Variants in ARSG observed in about 807,000 individuals in gnomAD.
ARSG encodes ASG.
In ARSG, 37 loss-of-function variants were observed where a neutral mutation model predicts 50.5. The ratio of observed to expected loss-of-function variants is 0.73; its 90% confidence interval spans 0.56 to 0.96. The LOEUF (loss-of-function observed/expected upper bound fraction) is 0.96, where lower values mean the gene tolerates loss of function less well. Among genes scored for constraint, ARSG ranks in the 50% least tolerant of loss-of-function variants. ARSG has a pLI of 0.00. For synonymous variants in ARSG, 225 were observed against 254.6 expected (o/e 0.88, Z 1.11); for missense variants, 629 against 675.3 (o/e 0.93, Z 0.76).
intron 8 of ARSG, among the ~76,000 whole-genome samples, chr17:68,379,531 G>T (rs544829604): frequency 6.8e-6 from 1 of 146,234 alleles, no homozygotes; most frequent in Admixed American, 7.2e-5. Flanking sequence ...CCTTGCATCG[G>T]CCTCCCAGAG....
At chr17:68,263,504 C>A (rs1441393212) in intron 1 of ARSG, among the ~76,000 whole-genome samples, 1 of 152,232 alleles carries the variant, frequency 6.6e-6, no homozygotes, top group Non-Finnish European at 1.5e-5. Flanking sequence ...CAGGGTCTCA[C>A]TCTTTGCCAA....
intron 6 of ARSG, among the ~76,000 whole-genome samples, chr17:68,361,989 C>T (rs546066890): frequency 9.9e-4 from 151 of 152,208 alleles, no homozygotes; most frequent in South Asian, 3.3e-3. Flanking sequence ...TGGGAGAAGT[C>T]GATGGTTGTA....
At chr17:68,300,737 T>A (rs1485190013) in intron 1 of ARSG, among the ~76,000 whole-genome samples, 2 of 152,092 alleles carry the variant, frequency 1.3e-5, no homozygotes, top group African/African-American at 2.4e-5. Flanking sequence ...CAACAGGTGG[T>A]TCGAGCCTAA....
At chr17:68,345,256 G>C (rs2078452692) in intron 3 of ARSG, among the ~76,000 whole-genome samples, 1 of 152,134 alleles carries the variant, frequency 6.6e-6, no homozygotes, top group African/African-American at 2.4e-5. Context: ...AGGATCCCTC[G>C]AGCCCAGGAG....
At chr17:68,273,071 T>C (rs1599502690) in intron 1 of ARSG, among the ~76,000 whole-genome samples, 1 of 152,134 alleles carries the variant, frequency 6.6e-6, no homozygotes, top group East Asian at 1.9e-4. Context: ...AAATTTTATA[T>C]AAGATTTGTA....
At chr17:68,321,175 C>A (rs2077267835) in intron 2 of ARSG, among the ~76,000 whole-genome samples, 1 of 151,820 alleles carries the variant, frequency 6.6e-6, no homozygotes, top group Non-Finnish European at 1.5e-5. Context: ...AGCAAGACCC[C>A]ATCTCAAAAA....
the ARSG span, among the ~76,000 whole-genome samples, chr17:68,438,129 C>T: frequency 2.0e-5 from 3 of 152,174 alleles, no homozygotes; most frequent in Non-Finnish European, 2.9e-5. Flanking sequence ...GAACCTAGGT[C>T]TCATTTCCTG....
At chr17:68,382,309 TCCCCATCTGAAAGA>T (rs2080475021) in intron 8 of ARSG, among the ~76,000 whole-genome samples, 1 of 152,162 alleles carries the variant, frequency 6.6e-6, no homozygotes, top group Admixed American at 6.5e-5. Flanking sequence ...AGCTTTGGTT[TCCCCATCTGAAAGA>T]TGGGGACAAT....
At chr17:68,369,963 C>T (rs1263622564) in intron 7 of ARSG, among the ~76,000 whole-genome samples, 1 of 152,130 alleles carries the variant, frequency 6.6e-6, no homozygotes, top group African/African-American at 2.4e-5. Flanking sequence ...AGACACATCT[C>T]ATATCAAGGG....
chr17:68,292,339 TC>T (rs1294172963), intron 1 of ARSG, among the ~76,000 whole-genome samples: 3 of 151,990 alleles, frequency 2.0e-5, no homozygotes, highest in Non-Finnish European at 2.9e-5. Flanking sequence ...GTGCCCCTCA[TC>T]CCGTAGTCCC....
At chr17:68,439,447 A>G in the ARSG span, among the ~76,000 whole-genome samples, 1 of 152,158 alleles carries the variant, frequency 6.6e-6, no homozygotes, top group Non-Finnish European at 1.5e-5. Context: ...TCTAATAGAG[A>G]CAGAAAGTAG....
At chr17:68,314,567 T>A (rs1599681804) in intron 2 of ARSG, among the ~76,000 whole-genome samples, 1 of 148,062 alleles carries the variant, frequency 6.8e-6, no homozygotes. Flanking sequence ...GTAAACCAGG[T>A]GTGGTGTTGC....
chr17:68,434,072 T>C, the ARSG span, among the ~76,000 whole-genome samples: 3 of 151,918 alleles, frequency 2.0e-5, no homozygotes, highest in African/African-American at 7.3e-5. Flanking sequence ...GCCCGGCCCA[T>C]AGTCTTATTT....
At chr17:68,328,856 G>A (rs2077609857) in intron 2 of ARSG, among the ~76,000 whole-genome samples, 1 of 152,080 alleles carries the variant, frequency 6.6e-6, no homozygotes, top group South Asian at 2.1e-4. Context: ...GGAAGAAACA[G>A]GTCTTACGAG....
At chr17:68,356,627 G>A (rs202086059) in intron 5 of ARSG, 40 bp from the exon 6 acceptor site, 463 of 1,611,430 alleles carry the variant, frequency 2.9e-4, no homozygotes, top group Non-Finnish European at 3.7e-4. Context: ...CCGTGAGTAC[G>A]TAGGAAATGA....
At chr17:68,341,662 T>G (rs1165025317) in intron 2 of ARSG, among the ~76,000 whole-genome samples, 2 of 152,218 alleles carry the variant, frequency 1.3e-5, no homozygotes, top group African/African-American at 4.8e-5. Context: ...CATGCCATTG[T>G]GCATTGTTGT....
intron 6 of ARSG, among the ~76,000 whole-genome samples, chr17:68,359,298 T>G (rs1236715421): frequency 2.0e-5 from 3 of 152,176 alleles, no homozygotes; most frequent in Non-Finnish European, 4.4e-5. Context: ...ATGGACATTG[T>G]GAAATAATGG....
chr17:68,330,526 C>T (rs199657456), intron 2 of ARSG, among the ~76,000 whole-genome samples: 1 of 152,026 alleles, frequency 6.6e-6, no homozygotes, highest in East Asian at 1.9e-4. Context: ...AATAATTTAG[C>T]TGTGGAGAGG....
chr17:68,396,112 G>C (rs947995580), intron 10 of ARSG, among the ~76,000 whole-genome samples: 1 of 151,584 alleles, frequency 6.6e-6, no homozygotes, highest in South Asian at 2.1e-4. Flanking sequence ...GGGTTCAAGC[G>C]ATTCTGCTGC....
Sources: allele counts gnomAD v4.1 joint callset (sites outside exome capture counted in the v4.1 genomes callset), GRCh38; gene constraint gnomAD v4.1.1; transcripts MANE v1.5; gene names NCBI Gene and HGNC (gene_info 2026-07-23, HGNC 2026-07-21).